The following INPP4B variants were observed in gnomAD, a reference collection of about 807,000 sequenced individuals.
INPP4B encodes inositol polyphosphate 4-phosphatase type II.
Under a neutral mutation model 122.5 loss-of-function variants are expected in INPP4B, and 55 were observed. The ratio of observed to expected loss-of-function variants is 0.45; its 90% CI spans 0.36 to 0.56. INPP4B has a LOEUF of 0.56. INPP4B is among the 20% of genes least tolerant of loss of function. The pLI, the probability that INPP4B is intolerant of heterozygous loss-of-function variation, is 0.00. For missense variants in INPP4B, 1,000 were observed against 1,097.7 expected, an observed-to-expected ratio of 0.91 and a Z score of 1.26; for synonymous variants, 403 against 388.7, an observed-to-expected ratio of 1.04 and a Z score of -0.43.
In INPP4B at chr4:142,407,243, A is replaced by G. The variant is rs888846931; in HGVS notation, c.137-1919T>C. Reference sequence around the variant, plus strand: ...TAAACAGCTCTTTTTCCGTTTCCTGATATTGACATATATCTATCAGAATTT... The same window carrying G: ...TAAACAGCTCTTTTTCCGTTTCCTGGTATTGACATATATCTATCAGAATTT... On this transcript the variant is annotated intron_variant, in intron 5 of 25. Transcript: ENST00000262992. 4.6e-5 allele frequency among the ~76,000 whole-genome samples: 7 copies of G among 152,162 alleles called. 1 individual carries two copies. The South Asian group carries it at 1.2e-3, about 27-fold the overall frequency.
At chr4:142,704,332 T>A (rs138024481) in intron 2 of INPP4B, among the ~76,000 whole-genome samples, 68 of 152,326 alleles carry the variant, frequency 4.5e-4, no homozygotes, top group Admixed American at 1.1e-3. Flanking sequence ...AAGAATTTAC[T>A]ATAAAAATTA....
chr4:142,537,949 G>A (rs1157754431), intron 2 of INPP4B, among the ~76,000 whole-genome samples: 1 of 152,018 alleles, frequency 6.6e-6, no homozygotes, highest in Non-Finnish European at 1.5e-5. Context: ...GTAAGCTGGA[G>A]TTCAGGATGT....
intron 2 of INPP4B, among the ~76,000 whole-genome samples, chr4:142,582,958 T>G (rs1270324934): frequency 6.6e-6 from 1 of 152,146 alleles, no homozygotes; most frequent in African/African-American, 2.4e-5. Flanking sequence ...AACCAAAAAT[T>G]AATGACAATT....
intron 10 of INPP4B, among the ~76,000 whole-genome samples, chr4:142,264,871 G>T (rs1167323725): frequency 6.6e-6 from 1 of 152,114 alleles, no homozygotes; most frequent in Non-Finnish European, 1.5e-5. Flanking sequence ...TAAAGATGGG[G>T]TCTTAATACT....
rs1333379321 is a variant in INPP4B, at chr4:142,145,734, C to T, written c.1720+106G>A. 5 of 1,084,226 alleles carry T rather than the reference C, an allele frequency of 4.6e-6. No individual in the cohort carries two copies. In the African/African-American group the frequency reaches 4.7e-5, roughly 10 times the overall value. 67.2% of individuals were successfully genotyped at this position (1,084,226 alleles called of 1,614,324 possible). A position where few individuals can be genotyped will look rare whatever the true frequency, so the allele number is the denominator to read the frequency against. On this transcript the variant is annotated intron_variant, in intron 18 of 25. Coordinates refer to ENST00000262992, the MANE Select transcript of INPP4B (RefSeq NM_001101669.3). ...AGTGGAAAAGCATGCTATCAGCACT[C>T]TCATCAAAGATACTATTGACTCCTC...
chr4:142,163,914 A>G (rs187736171), intron 16 of INPP4B, among the ~76,000 whole-genome samples: 95 of 152,024 alleles, frequency 6.2e-4, no homozygotes, highest in African/African-American at 2.2e-3. Context: ...ATGAAAAAAG[A>G]AAGTCTATCT....
At chr4:142,374,201 C>T (rs1000677332) in intron 7 of INPP4B, among the ~76,000 whole-genome samples, 2 of 151,928 alleles carry the variant, frequency 1.3e-5, no homozygotes, top group African/African-American at 4.8e-5. Flanking sequence ...AAGTAAGGCT[C>T]TCAGTGCTTA....
chr4:142,251,732 C>T (rs1732170892), intron 11 of INPP4B, among the ~76,000 whole-genome samples: 1 of 152,154 alleles, frequency 6.6e-6, no homozygotes, highest in Non-Finnish European at 1.5e-5. Flanking sequence ...TTTTGTTTAT[C>T]TGTGTGTATA....
chr4:142,543,221 GTCTC>G (rs920506075), intron 2 of INPP4B, among the ~76,000 whole-genome samples: 4 of 152,058 alleles, frequency 2.6e-5, no homozygotes, highest in East Asian at 1.9e-4. Context: ...CACATTTTCA[GTCTC>G]TCTATTTTAA....
In INPP4B at chr4:142,317,925, T is replaced by C. The variant is rs76119147; in HGVS notation, c.373-3163A>G. On this transcript the variant is annotated intron_variant, in intron 7 of 25. Coordinates refer to ENST00000262992, the MANE Select transcript of INPP4B (RefSeq NM_001101669.3). ...TGGGGCCATTTACTGTAGAGGGCTG[T>C]CTCCCATGTTATAGAAGTGGAGTTT... 2.8e-4 allele frequency among the ~76,000 whole-genome samples: 43 copies of C among 152,300 alleles called. 3 individuals carry two copies. The East Asian group carries it at 8.3e-3, about 29-fold the overall frequency.
At chr4:142,737,270 A>G (rs1002775304) in intron 1 of INPP4B, among the ~76,000 whole-genome samples, 1 of 152,186 alleles carries the variant, frequency 6.6e-6, no homozygotes, top group Non-Finnish European at 1.5e-5. Flanking sequence ...AGAGATATAG[A>G]CCAATGGAAC....
At chr4:142,192,319 T>C (rs1314677946) in intron 15 of INPP4B, among the ~76,000 whole-genome samples, 2 of 23,874 alleles carry the variant, frequency 8.4e-5, no homozygotes, top group Non-Finnish European at 3.2e-4. Flanking sequence ...ACACATACCC[T>C]TGGAATCTAA....
intron 1 of INPP4B, among the ~76,000 whole-genome samples, chr4:142,817,055 A>G (rs1054246915): frequency 1.3e-5 from 2 of 152,174 alleles, no homozygotes; most frequent in African/African-American, 4.8e-5. Context: ...CAGTTTAAAT[A>G]AAACTCTTTA....
intron 15 of INPP4B, among the ~76,000 whole-genome samples, chr4:142,174,119 A>G (rs1826887457): frequency 6.6e-6 from 1 of 152,086 alleles, no homozygotes; most frequent in Non-Finnish European, 1.5e-5. Context: ...TATGTCAAGT[A>G]TTAGTATTCA....
intron 2 of INPP4B, among the ~76,000 whole-genome samples, chr4:142,609,717 A>G (rs915082005): frequency 6.6e-6 from 1 of 152,198 alleles, no homozygotes; most frequent in East Asian, 1.9e-4. Flanking sequence ...GCTTAGTTGC[A>G]CTTATTATTC....
intron 2 of INPP4B, among the ~76,000 whole-genome samples, chr4:142,618,034 T>C (rs76557385): frequency 0.075 from 11,398 of 152,194 alleles, 466 homozygotes; most frequent in South Asian, 0.1. Context: ...CAAATCATCC[T>C]TTTTAAAGGG....
At chr4:142,468,120 T>C (rs1818151858) in intron 2 of INPP4B, 1 of 152,146 alleles carries the variant, frequency 6.6e-6, no homozygotes, top group African/African-American at 2.4e-5. Flanking sequence ...AGTATTTCTT[T>C]ACCATGATAC....
chr4:142,531,391 T>G (rs1827594221), intron 2 of INPP4B, among the ~76,000 whole-genome samples: 1 of 152,124 alleles, frequency 6.6e-6, no homozygotes, highest in Non-Finnish European at 1.5e-5. Flanking sequence ...AATGGAAAAT[T>G]AATTCTGTGA....
intron 12 of INPP4B, among the ~76,000 whole-genome samples, chr4:142,225,547 T>C (rs1448446775): frequency 6.7e-6 from 1 of 148,862 alleles, no homozygotes; most frequent in African/African-American, 2.4e-5. Context: ...AGTATATATA[T>C]AAATATGTAT....
Sources: allele counts gnomAD v4.1 joint callset (sites outside exome capture counted in the v4.1 genomes callset), GRCh38; gene constraint gnomAD v4.1.1; transcripts MANE v1.5; gene names NCBI Gene and HGNC (gene_info 2026-07-23, HGNC 2026-07-21).